PABPC4L: variants seen among roughly 807,000 people sequenced by gnomAD.
The protein encoded by PABPC4L is poly(A) binding protein cytoplasmic 4 like.
For missense variants in PABPC4L, 452 were observed against 451.4 expected, an observed-to-expected ratio of 1.00 and a Z score of -0.01; for synonymous variants, 169 against 164.1, an observed-to-expected ratio of 1.03 and a Z score of -0.23.
At chr4:134,175,473 G>C in the PABPC4L span, among the ~76,000 whole-genome samples, 1 of 151,458 alleles carries the variant, frequency 6.6e-6, no homozygotes, top group Non-Finnish European at 1.5e-5. Flanking sequence ...ATTTGAGACA[G>C]GGTCTCGCTC....
the PABPC4L span, among the ~76,000 whole-genome samples, chr4:134,163,825 G>C: frequency 6.6e-6 from 1 of 151,850 alleles, no homozygotes; most frequent in Non-Finnish European, 1.5e-5. Flanking sequence ...CAACAACTTA[G>C]GTATAGAACA....
the PABPC4L span, among the ~76,000 whole-genome samples, chr4:133,960,561 C>T: frequency 6.6e-6 from 1 of 152,158 alleles, no homozygotes; most frequent in Non-Finnish European, 1.5e-5. Flanking sequence ...AGTCGAGAAG[C>T]CTCCTGGTCA....
At chr4:134,004,653 C>T in the PABPC4L span, among the ~76,000 whole-genome samples, 1 of 151,830 alleles carries the variant, frequency 6.6e-6, no homozygotes, top group Non-Finnish European at 1.5e-5. Context: ...GAGGAGATAG[C>T]TGCACTCTCA....
the PABPC4L span, among the ~76,000 whole-genome samples, chr4:134,134,385 G>T: frequency 6.6e-6 from 1 of 151,910 alleles, no homozygotes; most frequent in Non-Finnish European, 1.5e-5. Flanking sequence ...AAAAGTGGAT[G>T]ATTTCAGTAA....
chr4:134,033,497 C>T, the PABPC4L span, among the ~76,000 whole-genome samples: 4 of 151,702 alleles, frequency 2.6e-5, no homozygotes, highest in Admixed American at 2.6e-4. Context: ...CCAAGGCAGA[C>T]CAAAAACTAG....
chr4:134,026,360 C>T, the PABPC4L span, among the ~76,000 whole-genome samples: 3 of 151,812 alleles, frequency 2.0e-5, no homozygotes, highest in Admixed American at 6.6e-5. Context: ...CTCAGCCTCC[C>T]GAGTAGCTGG....
At chr4:134,140,732 C>T in the PABPC4L span, among the ~76,000 whole-genome samples, 41 of 151,802 alleles carry the variant, frequency 2.7e-4, no homozygotes, top group African/African-American at 9.2e-4. Flanking sequence ...GTATATGCTC[C>T]TATTTGTAAA....
chr4:134,106,185 T>C, the PABPC4L span, among the ~76,000 whole-genome samples: 2 of 151,618 alleles, frequency 1.3e-5, no homozygotes, highest in African/African-American at 4.8e-5. Flanking sequence ...TTAAAAATTA[T>C]TGTGCTTTGA....
the PABPC4L span, among the ~76,000 whole-genome samples, chr4:134,053,095 T>C: frequency 1.3e-3 from 197 of 152,162 alleles, 1 homozygote; most frequent in Admixed American, 3.8e-3. Context: ...TGCCTTGAAA[T>C]CCTAGTTGCA....
At chr4:134,133,618 A>G in the PABPC4L span, among the ~76,000 whole-genome samples, 1 of 151,694 alleles carries the variant, frequency 6.6e-6, no homozygotes, top group East Asian at 1.9e-4. Context: ...GTTCTCACTC[A>G]TAAGTAGGAG....
At chr4:134,018,942 C>T in the PABPC4L span, among the ~76,000 whole-genome samples, 8 of 152,016 alleles carry the variant, frequency 5.3e-5, no homozygotes, top group Non-Finnish European at 1.2e-4. Flanking sequence ...TTATAAAATG[C>T]TTGACTCACT....
chr4:134,060,203 G>A, the PABPC4L span, among the ~76,000 whole-genome samples: 1 of 152,030 alleles, frequency 6.6e-6, no homozygotes, highest in African/African-American at 2.4e-5. Flanking sequence ...TTGAGTTCTG[G>A]TAAGCCTTGC....
At chr4:134,146,557 T>G in the PABPC4L span, among the ~76,000 whole-genome samples, 1 of 152,048 alleles carries the variant, frequency 6.6e-6, no homozygotes, top group Non-Finnish European at 1.5e-5. Context: ...ACAGATCTTT[T>G]GCTCCTGCAG....
At chr4:134,002,933 T>C in the PABPC4L span, among the ~76,000 whole-genome samples, 1 of 151,832 alleles carries the variant, frequency 6.6e-6, no homozygotes, top group African/African-American at 2.4e-5. Context: ...GAGTCTATTG[T>C]TTTTCATGCA....
the PABPC4L span, among the ~76,000 whole-genome samples, chr4:134,190,474 T>C: frequency 6.6e-6 from 1 of 152,082 alleles, no homozygotes. Context: ...TTCTACTTTA[T>C]TCTAATTCCT....
chr4:134,131,275 G>C, the PABPC4L span, among the ~76,000 whole-genome samples: 2 of 151,900 alleles, frequency 1.3e-5, no homozygotes, highest in African/African-American at 4.8e-5. Context: ...CTGATGACAT[G>C]ATCATATACC....
At chr4:134,073,267 T>C in the PABPC4L span, among the ~76,000 whole-genome samples, 1 of 152,154 alleles carries the variant, frequency 6.6e-6, no homozygotes, top group Non-Finnish European at 1.5e-5. Flanking sequence ...ATGGGAAAAC[T>C]TGGCCAAAAT....
chr4:134,125,171 C>G, the PABPC4L span, among the ~76,000 whole-genome samples: 3 of 151,982 alleles, frequency 2.0e-5, no homozygotes, highest in Non-Finnish European at 4.4e-5. Flanking sequence ...ATTGAGAATA[C>G]TTTTTGAAAA....
chr4:134,007,049 G>A, the PABPC4L span, among the ~76,000 whole-genome samples: 3 of 151,868 alleles, frequency 2.0e-5, no homozygotes, highest in Admixed American at 2.0e-4. Flanking sequence ...GCAGCATAAA[G>A]GATAATGTTT....
Sources: allele counts gnomAD v4.1 joint callset (sites outside exome capture counted in the v4.1 genomes callset), GRCh38; gene constraint gnomAD v4.1.1; transcripts MANE v1.5; gene names NCBI Gene and HGNC (gene_info 2026-07-23, HGNC 2026-07-21).